The following PPP2R1B variants were observed in gnomAD, a reference collection of about 807,000 sequenced individuals.
The protein encoded by PPP2R1B is protein phosphatase 2 scaffold subunit Abeta.
A neutral mutation model predicts 72.7 loss-of-function variants in PPP2R1B; 58 were observed. The ratio of observed to expected loss-of-function variants is 0.80; its 90% CI spans 0.65 to 0.99. PPP2R1B has a LOEUF of 0.99. Among genes scored for constraint, PPP2R1B ranks in the 50% least tolerant of loss-of-function variants. The pLI, the probability that PPP2R1B is intolerant of heterozygous loss-of-function variation, is 0.00. For missense variants in PPP2R1B, 695 were observed against 733.6 expected (o/e 0.95, Z 0.61); for synonymous variants, 256 against 264.6 (o/e 0.97, Z 0.32).
At chr11:111,713,966 CA>C in the PPP2R1B span, among the ~76,000 whole-genome samples, 8 of 147,466 alleles carry the variant, frequency 5.4e-5, no homozygotes, top group East Asian at 2.0e-4. Flanking sequence ...GACTGCATCT[CA>C]AAAAAAAAAT....
chr11:111,703,311 G>A, the PPP2R1B span: 65 of 1,614,070 alleles, frequency 4.0e-5, no homozygotes, highest in Non-Finnish European at 5.0e-5. Flanking sequence ...CCTGTCCAGA[G>A]ACCTGTTCTC....
the PPP2R1B span, among the ~76,000 whole-genome samples, chr11:111,709,128 G>A: frequency 6.6e-6 from 1 of 152,226 alleles, no homozygotes; most frequent in Admixed American, 6.5e-5. Flanking sequence ...CGGAAATCAG[G>A]ATGAGGGTGC....
chr11:111,736,145 C>T (rs925316457), downstream of PPP2R1B, among the ~76,000 whole-genome samples: 3 of 152,136 alleles, frequency 2.0e-5, no homozygotes, highest in African/African-American at 7.2e-5. Context: ...GCACCTACCA[C>T]CTAGGGTGGG....
At chr11:111,721,179 T>C in the PPP2R1B span, 90 of 1,271,108 alleles carry the variant, frequency 7.1e-5, no homozygotes, top group East Asian at 2.1e-3. Context: ...ACAGGCTGTT[T>C]GGGAAAACCC....
the PPP2R1B span, among the ~76,000 whole-genome samples, chr11:111,719,039 C>T: frequency 6.6e-6 from 1 of 152,162 alleles, no homozygotes; most frequent in Non-Finnish European, 1.5e-5. Context: ...TAGGAACCAT[C>T]GATAACGTAT....
At chr11:111,719,988 G>A in the PPP2R1B span, 11 of 1,613,640 alleles carry the variant, frequency 6.8e-6, no homozygotes, top group Middle Eastern at 1.6e-4. Context: ...TCAACTGGTC[G>A]TGATGCCTGG....
chr11:111,714,937 GAATT>G, the PPP2R1B span, among the ~76,000 whole-genome samples: 1 of 152,192 alleles, frequency 6.6e-6, no homozygotes, highest in Admixed American at 6.5e-5. Context: ...TCCCTCAAAA[GAATT>G]AAAATGCAGT....
chr11:111,765,341 G>C lies in PPP2R1B; in HGVS notation c.158C>G (p.Ala53Gly). 1 of 1,613,688 alleles carries C rather than the reference G, an allele frequency of 6.2e-7. No homozygotes were observed. Among genetic ancestry groups the C allele is most frequent in the Non-Finnish European group, 8.5e-7 (1 of 1,179,638 alleles). ...ACTTCGGGTCCTTTCTACTCCAAGT[G>C]CTAGGGCAATTGTTGATAACTTCTT... ...SIKKLSTIAL[A>G]LGVERTRSEL... Residue 53 changes from alanine (A) to glycine (G), a missense_variant, in exon 2 of 15, where the codon GCA becomes GGA. Transcript: ENST00000527614.
At chr11:111,737,216 G>C (rs1014382286), downstream of PPP2R1B, among the ~76,000 whole-genome samples, 2 of 152,202 alleles carry the variant, frequency 1.3e-5, no homozygotes, top group African/African-American at 4.8e-5. Context: ...AGCTACAAGA[G>C]TGACAGCTCT....
At chr11:111,720,690 C>T in the PPP2R1B span, 2 of 1,613,794 alleles carry the variant, frequency 1.2e-6, no homozygotes, top group Admixed American at 1.7e-5. Context: ...CTCCCAGAAA[C>T]GAGAGGTCCA....
intron 3 of PPP2R1B, 119 bp downstream of exon 3, chr11:111,764,686 G>A (rs1469878796): frequency 3.2e-6 from 3 of 947,964 alleles, no homozygotes; most frequent in African/African-American, 3.3e-5. Context: ...CTAACATTAT[G>A]ACTATCTGCC....
At chr11:111,716,070 G>T in the PPP2R1B span, among the ~76,000 whole-genome samples, 1 of 151,936 alleles carries the variant, frequency 6.6e-6, no homozygotes, top group East Asian at 1.9e-4. Context: ...CCAAAGTACT[G>T]GGATTACAGG....
At chr11:111,741,820 T>C (rs1944530380) in intron 14 of PPP2R1B, among the ~76,000 whole-genome samples, 1 of 152,348 alleles carries the variant, frequency 6.6e-6, no homozygotes, top group South Asian at 2.1e-4. Context: ...CCAGTGAGAA[T>C]CGTATTTCCT....
At chr11:111,765,734 A>C (rs988204461) in intron 1 of PPP2R1B, 13 of 485,092 alleles carry the variant, frequency 2.7e-5, no homozygotes, top group African/African-American at 5.8e-5. Context: ...TTCAAAGAAA[A>C]GTTCCCACAG....
chr11:111,738,034 A>G lies in PPP2R1B; in HGVS notation c.*3562T>C, dbSNP rs1591671840. ...TGGAAACAGCAGGCTCGTGGAGGCA[A>G]ACGGGGGACAGTGAGACTATTCTAG... On this transcript the variant is annotated 3_prime_UTR_variant, in exon 15 of 15. Coordinates refer to ENST00000527614, the MANE Select transcript of PPP2R1B (RefSeq NM_002716.5). 5.0e-6 allele frequency: 5 copies of G among 1,010,036 alleles called. No homozygotes were observed. Among genetic ancestry groups the G allele is most frequent in the Middle Eastern group, 5.0e-4 (1 of 2,006 alleles). The allele number at this position is 1,010,036 out of a possible 1,614,324, so 62.6% of individuals were successfully genotyped here. A position where few individuals can be genotyped will look rare whatever the true frequency, so the allele number is the denominator to read the frequency against.
the PPP2R1B span, chr11:111,700,971 T>C: frequency 2.5e-6 from 4 of 1,614,074 alleles, no homozygotes; most frequent in Non-Finnish European, 2.5e-6. Flanking sequence ...CAGAAGTCTT[T>C]GAAGGGCAGC....
At chr11:111,731,216 TAGG>T (rs1376771609) in intron 15 of PPP2R1B, among the ~76,000 whole-genome samples, 3 of 151,846 alleles carry the variant, frequency 2.0e-5, no homozygotes, top group African/African-American at 7.3e-5. Flanking sequence ...CATGCCGCGG[TAGG>T]AGGAGGGGAG....
intron 7 of PPP2R1B, 81 bp downstream of exon 7, chr11:111,754,899 C>A: frequency 7.6e-7 from 1 of 1,313,754 alleles, no homozygotes. Flanking sequence ...TATTCTAGAA[C>A]AAAAAACATG....
chr11:111,733,758 C>T (rs536081591), downstream of PPP2R1B, among the ~76,000 whole-genome samples: 1 of 152,328 alleles, frequency 6.6e-6, no homozygotes, highest in East Asian at 1.9e-4. Context: ...CCAGTCGCTA[C>T]AGAGCCCAAA....
Sources: gnomAD v4.1 joint callset for allele counts (sites outside exome capture counted in the v4.1 genomes callset) on GRCh38, gnomAD v4.1.1 for gene constraint, MANE v1.5 for transcripts, NCBI Gene and HGNC (gene_info 2026-07-23, HGNC 2026-07-21) for gene names.